SETD2: variants seen among roughly 807,000 people sequenced by gnomAD.
The protein encoded by SETD2 is SET domain containing 2, histone lysine methyltransferase.
SETD2 carries 31 observed loss-of-function variants against 242.1 expected under a neutral mutation model. That is an observed-to-expected ratio of 0.13 (90% confidence interval 0.10 to 0.17). The LOEUF (loss-of-function observed/expected upper bound fraction) is 0.17. Among genes scored for constraint, SETD2 ranks in the 10% least tolerant of loss-of-function variants. The pLI, the probability that SETD2 is intolerant of heterozygous loss-of-function variation, is 1.00. For missense variants in SETD2, 2,481 were observed against 3,046.3 expected (o/e 0.81, Z 4.37); for synonymous variants, 1,006 against 1,066.5 (o/e 0.94, Z 1.11).
At chr3:47,092,404 TCAA>T (rs1274527273) in intron 9 of SETD2, among the ~76,000 whole-genome samples, 8 of 151,932 alleles carry the variant, frequency 5.3e-5, no homozygotes, top group African/African-American at 1.9e-4. Context: ...TATGTATGGG[TCAA>T]CATCATCCAA....
chr3:47,020,562 C>T (rs996018635), intron 18 of SETD2, among the ~76,000 whole-genome samples: 4 of 152,244 alleles, frequency 2.6e-5, no homozygotes, highest in African/African-American at 7.2e-5. Context: ...CACCAGGAGG[C>T]GATGAGTTGG....
At chr3:47,046,729 A>T in intron 15 of SETD2, 108 bp from the exon 16 acceptor site, 1 of 990,004 alleles carries the variant, frequency 1.0e-6, no homozygotes, top group South Asian at 4.0e-5. Flanking sequence ...ACATTTTAAA[A>T]TTTTTTGTTT....
chr3:47,032,876 C>T (rs2038836427), intron 18 of SETD2, among the ~76,000 whole-genome samples: 1 of 151,882 alleles, frequency 6.6e-6, no homozygotes, highest in Non-Finnish European at 1.5e-5. Flanking sequence ...CGCACCACTG[C>T]ACCCCAGCCT....
chr3:47,063,855 T>A lies in SETD2; in HGVS notation c.6110-1509A>T, dbSNP rs569858631. Among the ~76,000 whole-genome samples, 54 of 152,086 alleles carry A rather than the reference T, an allele frequency of 3.6e-4. 1 individual carries two copies. The highest frequency in any genetic ancestry group is 1.2e-3 in the African/African-American group (49 of 41,502). ...AAAATTAGCTGGGCACGGTGGCAGG[T>A]GCCTGTAATCCTAGCTATTTGGGAG... On this transcript the variant is annotated intron_variant, in intron 13 of 20. Coordinates refer to ENST00000409792, the MANE Select transcript of SETD2 (RefSeq NM_014159.7).
chr3:47,076,009 T>C (rs2041058162), intron 12 of SETD2, among the ~76,000 whole-genome samples: 1 of 152,236 alleles, frequency 6.6e-6, no homozygotes, highest in African/African-American at 2.4e-5. Flanking sequence ...CACAGGACAC[T>C]GGGAAGACCC....
At chr3:47,031,371 A>G (rs2038762070) in intron 18 of SETD2, among the ~76,000 whole-genome samples, 1 of 152,200 alleles carries the variant, frequency 6.6e-6, no homozygotes, top group Non-Finnish European at 1.5e-5. Flanking sequence ...GGTATATGGA[A>G]ACTCTCCGTA....
At chr3:47,034,702 A>G (rs543256451) in intron 18 of SETD2, among the ~76,000 whole-genome samples, 2 of 152,314 alleles carry the variant, frequency 1.3e-5, no homozygotes, top group East Asian at 1.9e-4. Flanking sequence ...TGACAAAATA[A>G]ATAAATCCCT....
intron 15 of SETD2, among the ~76,000 whole-genome samples, chr3:47,052,716 G>A (rs536900206): frequency 6.6e-6 from 1 of 152,044 alleles, no homozygotes; most frequent in South Asian, 2.1e-4. Flanking sequence ...TACTAGTGAG[G>A]CTGAGGCAGG....
intron 17 of SETD2, among the ~76,000 whole-genome samples, chr3:47,038,154 A>C (rs994491240): frequency 6.6e-6 from 1 of 152,228 alleles, no homozygotes; most frequent in Non-Finnish European, 1.5e-5. Flanking sequence ...ATGAAGAGGT[A>C]AACAGTGACT....
rs2106726759 is a variant in SETD2, at chr3:47,124,379, T to C, written c.257A>G (p.Asn86Ser). The change falls in exon 3 of 21, where the codon AAT becomes AGT. Residue 86 changes from asparagine to serine, a missense_variant. Coordinates refer to ENST00000409792, the MANE Select transcript of SETD2 (RefSeq NM_014159.7). Reference sequence around the variant, plus strand: ...ATTGCCAAGTGCAGTGAGAAACCTATTCTGCAAAGTTTTCTTTGTAAGGCT... The same window carrying C: ...ATTGCCAAGTGCAGTGAGAAACCTACTCTGCAAAGTTTTCTTTGTAAGGCT... ...SFSLTKKTLQ[N>S]RFLTALGNEK... 1 of 1,551,972 alleles carries C rather than the reference T, an allele frequency of 6.4e-7. No homozygotes were observed. Among genetic ancestry groups the C allele is most frequent in the Non-Finnish European group, 8.7e-7 (1 of 1,147,048 alleles).
At chr3:47,081,711 T>A (rs952923474) in intron 12 of SETD2, among the ~76,000 whole-genome samples, 1 of 152,204 alleles carries the variant, frequency 6.6e-6, no homozygotes, top group Non-Finnish European at 1.5e-5. Flanking sequence ...CCATAGTAAA[T>A]GTTAATTAGA....
intron 14 of SETD2, among the ~76,000 whole-genome samples, chr3:47,060,780 A>G (rs2040296965): frequency 6.6e-6 from 1 of 152,232 alleles, no homozygotes. Context: ...CCATGTATCA[A>G]AAGGTACAAA....
Position 47,016,802 on chromosome 3 carries a change from AAGG to A in SETD2, c.*288_*290del. On this transcript the variant is annotated 3_prime_UTR_variant, in exon 21 of 21. Transcript: ENST00000409792. Reference sequence around the variant, plus strand: ...GGGTCTGTGCGCTGACAGCACCGCCAAGGAGAAGACCCAGGTTTAAGAGTGGAG... The same window carrying A: ...GGGTCTGTGCGCTGACAGCACCGCCAAGAAGACCCAGGTTTAAGAGTGGAG... 1 of 397,398 alleles carries A rather than the reference AAGG, an allele frequency of 2.5e-6. No homozygotes were observed. The highest frequency in any genetic ancestry group is 4.6e-6 in the Non-Finnish European group (1 of 219,068). The allele number at this position is 397,398 out of a possible 1,614,324, so 24.6% of individuals were successfully genotyped here.
At chr3:47,159,113 A>G (rs1312648352) in intron 1 of SETD2, among the ~76,000 whole-genome samples, 1 of 152,154 alleles carries the variant, frequency 6.6e-6, no homozygotes, top group Non-Finnish European at 1.5e-5. Context: ...CATCTTAAAA[A>G]AAAAATAAAA....
intron 16 of SETD2, among the ~76,000 whole-genome samples, chr3:47,044,656 A>C (rs769362259): frequency 6.6e-6 from 1 of 152,174 alleles, no homozygotes; most frequent in African/African-American, 2.4e-5. Flanking sequence ...AAAAACAACA[A>C]CACTTTGAGA....
At chr3:47,097,860 G>T (rs2107673426) in intron 9 of SETD2, 95 bp downstream of exon 9, 2 of 1,180,374 alleles carry the variant, frequency 1.7e-6, no homozygotes, top group South Asian at 2.8e-5. Context: ...GATTTCTCTG[G>T]TGGCAGTAGT....
chr3:47,045,945 A>G (rs1168638023), intron 16 of SETD2, among the ~76,000 whole-genome samples: 2 of 151,502 alleles, frequency 1.3e-5, no homozygotes, highest in Admixed American at 1.3e-4. Flanking sequence ...GTATTAACGG[A>G]ACTATAAATT....
Position 47,016,767 on chromosome 3 carries a change from G to A in SETD2, c.*326C>T, listed in dbSNP as rs1243360388. On this transcript the variant is annotated 3_prime_UTR_variant, in exon 21 of 21. Coordinates refer to ENST00000409792, the MANE Select transcript of SETD2 (RefSeq NM_014159.7). The stretch of plus-strand genomic sequence containing the variant: ...CATCAGGGTAAAGGGTTGTGGGTGG[G>A]GATGCGCATGGGTCTGTGCGCTGAC... 3 of 312,296 alleles carry A rather than the reference G, an allele frequency of 9.6e-6. No individual in the cohort carries two copies. Among genetic ancestry groups the A allele is most frequent in the Non-Finnish European group, 1.8e-5 (3 of 167,806 alleles). 19.3% of individuals were successfully genotyped at this position (312,296 alleles called of 1,614,324 possible). A position where few individuals can be genotyped will look rare whatever the true frequency, so the allele number is the denominator to read the frequency against.
At chr3:47,044,900 T>C (rs1444914710) in intron 16 of SETD2, among the ~76,000 whole-genome samples, 1 of 152,272 alleles carries the variant, frequency 6.6e-6, no homozygotes, top group Non-Finnish European at 1.5e-5. Context: ...TCAAAGGCCA[T>C]GTTCAAAGGA....
Sources: gnomAD v4.1 joint callset for allele counts (sites outside exome capture counted in the v4.1 genomes callset) on GRCh38, gnomAD v4.1.1 for gene constraint, MANE v1.5 for transcripts, NCBI Gene and HGNC (gene_info 2026-07-23, HGNC 2026-07-21) for gene names.